ATL3: variants seen among roughly 807,000 people sequenced by gnomAD.
The protein encoded by ATL3 is atlastin GTPase 3.
A neutral mutation model predicts 69.5 loss-of-function variants in ATL3; 49 were observed. The ratio of observed to expected loss-of-function variants is 0.71; its 90% CI spans 0.56 to 0.89. The LOEUF (loss-of-function observed/expected upper bound fraction) is 0.89, where lower values mean the gene tolerates loss of function less well. Ranked by LOEUF, ATL3 falls within the 40% of genes least tolerant of loss-of-function variation. The probability of loss-of-function intolerance (pLI) is 0.00; values close to 1 mark genes in which losing one functional copy is unlikely to be tolerated. For missense variants in ATL3, 606 were observed against 645.7 expected, an observed-to-expected ratio of 0.94 and a Z score of 0.67; for synonymous variants, 214 against 224.1, an observed-to-expected ratio of 0.95 and a Z score of 0.40.
intron 12 of ATL3, among the ~76,000 whole-genome samples, chr11:63,630,800 CAAA>C (rs58752695): frequency 3.4e-4 from 37 of 109,896 alleles, no homozygotes; most frequent in Admixed American, 3.7e-4. Flanking sequence ...GACTTTGTCT[CAAA>C]AAAAAAAAAA....
chr11:63,662,275 T>A (rs1350180044), intron 1 of ATL3, among the ~76,000 whole-genome samples: 1 of 150,934 alleles, frequency 6.6e-6, no homozygotes, highest in Non-Finnish European at 1.5e-5. Context: ...TGTGGACTTA[T>A]GGGAAGTTCA....
intron 7 of ATL3, among the ~76,000 whole-genome samples, chr11:63,643,906 T>C (rs756571962): frequency 6.6e-6 from 1 of 152,218 alleles, no homozygotes; most frequent in Non-Finnish European, 1.5e-5. Flanking sequence ...AAGACACATA[T>C]AGAACTTGGT....
rs755513890 is a variant in ATL3, at chr11:63,631,465, C to G, written c.1114G>C (p.Gly372Arg). The change falls in exon 12 of 13, where the codon GGG becomes CGG. Residue 372 changes from glycine (G) to arginine (R), a missense_variant. Physicochemically the swap from Gly to Arg is moderately radical, Grantham distance 125. Transcript: ENST00000398868. ...GGAGACAAATAAGGTTTCTCTCCCC[C>G]ACAAACCTAAAAAGAACAAAGAAAC... ...IYYNNMEEVC[G>R]GEKPYLSPDI... 5.0e-6 allele frequency: 8 copies of G among 1,594,372 alleles called. No individual in the cohort carries two copies. The highest frequency in any genetic ancestry group is 1.7e-4 in the Middle Eastern group (1 of 5,978).
chr11:63,632,640 G>A (rs541801549), intron 11 of ATL3: 385 of 994,934 alleles, frequency 3.9e-4, no homozygotes, highest in South Asian at 8.6e-4. Context: ...ATAAGAGGAC[G>A]AATCTTCTTT....
chr11:63,671,958 A>G (rs1045130913), upstream of ATL3: 3 of 194,230 alleles, frequency 1.5e-5, no homozygotes, highest in African/African-American at 7.2e-5. Context: ...TCAACCCTGG[A>G]TGGCATGAAC....
At chr11:63,640,314 G>T (rs147038076) in intron 8 of ATL3, among the ~76,000 whole-genome samples, 2,291 of 152,078 alleles carry the variant, frequency 0.015, 29 homozygotes, top group Middle Eastern at 0.048. Flanking sequence ...TTGAGACAGG[G>T]TCTCACTCTG....
At chr11:63,638,632 G>C (rs543663812) in intron 8 of ATL3, among the ~76,000 whole-genome samples, 1 of 152,158 alleles carries the variant, frequency 6.6e-6, no homozygotes, top group Admixed American at 6.5e-5. Context: ...TTGAGCCCGG[G>C]AGGCGGAGGT....
intron 3 of ATL3, among the ~76,000 whole-genome samples, chr11:63,658,365 G>A (rs1940322341): frequency 6.6e-6 from 1 of 152,182 alleles, no homozygotes; most frequent in South Asian, 2.1e-4. Flanking sequence ...GGAATTAACA[G>A]AGTCAGCAAC....
At position 63,644,207 on chromosome 11, in the gene ATL3, G is replaced by A; in HGVS notation, c.673C>T (p.Leu225Phe). The A allele has an allele frequency of 6.2e-7, 1 of 1,611,200 alleles. No homozygotes were observed. The highest frequency in any genetic ancestry group is 8.5e-7 in the Non-Finnish European group (1 of 1,178,738). The change falls in exon 7 of 13, where the codon CTC becomes TTC. Residue 225 changes from leucine to phenylalanine, a missense_variant. Transcript: ENST00000398868. The stretch of plus-strand genomic sequence containing the variant: ...TCCAAAAATGCCATTCCTCCTTGGA[G>A]TCCATAGCTATATTCATAAGGGAAA... ...WSFPYEYSYG[L>F]QGGMAFLDKR...
In ATL3 at chr11:63,643,468, GA is replaced by G. The variant is rs1199044185; in HGVS notation, c.738del (p.Gln247ArgfsTer36). 6.2e-7 allele frequency: 1 copy of G among 1,611,910 alleles called. No individual in the cohort carries two copies. The highest frequency in any genetic ancestry group is 8.5e-7 in the Non-Finnish European group (1 of 1,179,198). ...GAGTGAATGTGATTTCGAACATTCTGAATTTCTTCATGTTGATGTTCCTTCA... is the reference window on the plus strand; with the variant it reads ...GAGTGAATGTGATTTCGAACATTCTGATTTCTTCATGTTGATGTTCCTTCA... ...LQVKEHQHEE[I>X]QNVRNHIHSC... is the part of the protein sequence containing the mutation. On this transcript the variant is annotated frameshift_variant, in exon 8 of 13. Coordinates refer to ENST00000398868, the MANE Select transcript of ATL3 (RefSeq NM_015459.5). LOFTEE classifies it high-confidence loss of function.
rs959549043 is a variant in ATL3, at chr11:63,626,001, G to A, written c.*3318C>T. The stretch of plus-strand genomic sequence containing the variant: ...CGTCTCAAAAAAAAAAAGGAATAAA[G>A]CGAAACACAGGCAATTTTACCAAGT... On this transcript the variant is annotated 3_prime_UTR_variant, in exon 13 of 13. Coordinates refer to ENST00000398868, the MANE Select transcript of ATL3 (RefSeq NM_015459.5). 2.6e-5 allele frequency: 4 copies of A among 151,758 alleles called. No individual in the cohort carries two copies. Among genetic ancestry groups the A allele is most frequent in the African/African-American group, 9.7e-5 (4 of 41,312 alleles). 9.4% of individuals were successfully genotyped at this position (151,758 alleles called of 1,614,324 possible).
At position 63,625,486 on chromosome 11, in the gene ATL3, G is replaced by T. The variant is rs1369436707; in HGVS notation, c.*3833C>A. ...ATTAAAAAATTAAAACTGTTTTATT[G>T]CTTTTGCATGGACTTGATTCAATCT... is the stretch of plus-strand genomic sequence containing the variant. On this transcript the variant is annotated 3_prime_UTR_variant, in exon 13 of 13. Coordinates refer to ENST00000398868, the MANE Select transcript of ATL3 (RefSeq NM_015459.5). The T allele has an allele frequency of 6.6e-6, 1 of 151,944 alleles. No individual in the cohort carries two copies. The highest frequency in any genetic ancestry group is 1.5e-5 in the Non-Finnish European group (1 of 67,976). The allele number at this position is 151,944 out of a possible 1,614,324, so 9.4% of individuals were successfully genotyped here. A position where few individuals can be genotyped will look rare whatever the true frequency, so the allele number is the denominator to read the frequency against.
chr11:63,671,211 CG>C, intron 1 of ATL3, 78 bp downstream of exon 1: 4 of 1,470,834 alleles, frequency 2.7e-6, no homozygotes, highest in Admixed American at 5.3e-5. Flanking sequence ...GCGGCGCGGG[CG>C]GGGGTTCTTT....
chr11:63,632,642 A>C, intron 11 of ATL3: 3 of 1,005,424 alleles, frequency 3.0e-6, no homozygotes, highest in Non-Finnish European at 4.7e-6. Context: ...AAGAGGACGA[A>C]TCTTCTTTTA....
At chr11:63,650,128 G>T (rs1436517221) in intron 5 of ATL3, among the ~76,000 whole-genome samples, 3 of 151,246 alleles carry the variant, frequency 2.0e-5, no homozygotes, top group Non-Finnish European at 4.4e-5. Flanking sequence ...TTATGATTTT[G>T]TTTAGTGGGG....
chr11:63,649,513 G>C (rs530811716), intron 5 of ATL3, among the ~76,000 whole-genome samples: 4 of 151,760 alleles, frequency 2.6e-5, no homozygotes, highest in African/African-American at 9.7e-5. Flanking sequence ...TATAGTACAA[G>C]GTAGAAATAT....
chr11:63,651,816 G>A, intron 5 of ATL3, 120 bp downstream of exon 5: 1 of 1,391,882 alleles, frequency 7.2e-7, no homozygotes, highest in Non-Finnish European at 9.4e-7. Flanking sequence ...GAATTACTAT[G>A]AACCAAAAAC....
At chr11:63,657,208 C>CAAAAAAAAAAAAAAAAA (rs1254213240) in intron 3 of ATL3, among the ~76,000 whole-genome samples, 3 of 59,908 alleles carry the variant, frequency 5.0e-5, no homozygotes, top group African/African-American at 1.9e-4. Flanking sequence ...GACTACATCT[C>CAAAAAAAAAAAAAAAAA]AAAAAAAAAA....
chr11:63,646,545 G>A lies in ATL3; in HGVS notation c.580C>T (p.Arg194Cys), dbSNP rs372986534. Residue 194 changes from arginine (R) to cysteine (C), a missense_variant, in exon 6 of 13, where the codon CGT becomes TGT. Coordinates refer to ENST00000398868, the MANE Select transcript of ATL3 (RefSeq NM_015459.5). Reference sequence around the variant, plus strand: ...TGGAAAATTTCATCCATTGCCAGACGACCGTATTCTGTGAAGAGCTTTAAA... The same window carrying A: ...TGGAAAATTTCATCCATTGCCAGACAACCGTATTCTGTGAAGAGCTTTAAA... ...QQLQLFTEYG[R>C]LAMDEIFQKP... 2.6e-5 allele frequency: 41 copies of A among 1,604,408 alleles called. No homozygotes were observed. In the African/African-American group the frequency reaches 3.8e-4, roughly 15 times the overall value.
Sources: allele counts gnomAD v4.1 joint callset (sites outside exome capture counted in the v4.1 genomes callset), GRCh38; gene constraint gnomAD v4.1.1; transcripts MANE v1.5; gene names NCBI Gene and HGNC (gene_info 2026-07-23, HGNC 2026-07-21).